Variants in TENM4 observed in about 807,000 individuals in gnomAD.
The protein encoded by TENM4 is teneurin transmembrane protein 4, also known as teneurin-4.
TENM4 carries 82 observed loss-of-function variants against 243.3 expected under a neutral mutation model. The ratio of observed to expected loss-of-function variants is 0.34; its 90% CI spans 0.28 to 0.40. The LOEUF is 0.40. TENM4 is among the 10% of genes least tolerant of loss of function. TENM4 has a pLI of 1.00. For missense variants in TENM4, 3,138 were observed against 3,673.3 expected (o/e 0.85, Z 3.77); for synonymous variants, 1,412 against 1,456.3 (o/e 0.97, Z 0.69).
intron 6 of TENM4, among the ~76,000 whole-genome samples, chr11:78,958,004 G>C (rs1591162170): frequency 6.6e-6 from 1 of 152,306 alleles, no homozygotes; most frequent in African/African-American, 2.4e-5. Flanking sequence ...TGGGGCTCTA[G>C]AGTCAAACAG....
At chr11:79,004,120 C>A (rs56024811) in intron 6 of TENM4, among the ~76,000 whole-genome samples, 72,806 of 152,018 alleles carry the variant, frequency 0.48, 21,041 homozygotes, top group African/African-American at 0.83. Context: ...CATCCAACAC[C>A]GGAGAACTCA....
intron 25 of TENM4, among the ~76,000 whole-genome samples, chr11:78,715,536 G>A (rs1050065545): frequency 2.6e-5 from 4 of 152,126 alleles, no homozygotes. Flanking sequence ...GGTGGCATTG[G>A]CAGGATTATC....
intron 4 of TENM4, among the ~76,000 whole-genome samples, chr11:79,077,217 T>C (rs898562624): frequency 6.6e-5 from 10 of 152,158 alleles, no homozygotes; most frequent in African/African-American, 2.4e-4. Context: ...ACAGATGTGC[T>C]TCTGACTCCT....
In TENM4 at chr11:78,887,890, G is replaced by A. The variant is rs544010201; in HGVS notation, c.1084+1895C>T. Among the ~76,000 whole-genome samples, 12 of 152,352 alleles carry A rather than the reference G, an allele frequency of 7.9e-5. No homozygotes were observed. In the East Asian group the frequency reaches 2.1e-3, roughly 27 times the overall value. On this transcript the variant is annotated intron_variant, in intron 9 of 33. Coordinates refer to ENST00000278550, the MANE Select transcript of TENM4 (RefSeq NM_001098816.3). ...ACTTCAACGCAAAACAAATGGATGT[G>A]TATAGCAGCAAACTACTCAAATTAT... is the stretch of plus-strand genomic sequence containing the variant.
intron 1 of TENM4, among the ~76,000 whole-genome samples, chr11:79,324,280 G>A (rs1487981987): frequency 2.6e-5 from 4 of 152,028 alleles, no homozygotes; most frequent in Non-Finnish European, 5.9e-5. Context: ...GGAGTGCAGT[G>A]GTGAGATCAT....
At chr11:78,757,562 G>A (rs533170526) in intron 18 of TENM4, among the ~76,000 whole-genome samples, 42 of 152,380 alleles carry the variant, frequency 2.8e-4, no homozygotes, top group Non-Finnish European at 5.0e-4. Flanking sequence ...AGCCAGACAG[G>A]AGAAGAGGGC....
chr11:79,066,924 G>T (rs1053703539), intron 5 of TENM4, among the ~76,000 whole-genome samples: 4 of 152,216 alleles, frequency 2.6e-5, no homozygotes, highest in African/African-American at 9.6e-5. Context: ...TACTCAGCTG[G>T]CTCAGGCTGG....
intron 4 of TENM4, among the ~76,000 whole-genome samples, chr11:79,083,057 T>C (rs4944221): frequency 0.58 from 88,613 of 152,064 alleles, 26,044 homozygotes; most frequent in East Asian, 0.73. Context: ...AATCAAGCCT[T>C]GTGCTGCTCC....
At chr11:79,004,029 T>C (rs1378732926) in intron 6 of TENM4, among the ~76,000 whole-genome samples, 1 of 143,442 alleles carries the variant, frequency 7.0e-6, no homozygotes, top group African/African-American at 2.5e-5. Flanking sequence ...CCAACAAAGA[T>C]CAAAAAAGAC....
At chr11:78,823,794 T>TTTTGGCG (rs1205521331) in intron 12 of TENM4, among the ~76,000 whole-genome samples, 2 of 152,210 alleles carry the variant, frequency 1.3e-5, no homozygotes, top group African/African-American at 4.8e-5. Context: ...ATTGCTTGTG[T>TTTTGGCG]TTTGCCCCTT....
intron 4 of TENM4, among the ~76,000 whole-genome samples, chr11:79,107,738 G>A (rs1435493282): frequency 6.6e-6 from 1 of 152,194 alleles, no homozygotes; most frequent in Admixed American, 6.5e-5. Flanking sequence ...TGCCCTTGAT[G>A]CCACACGCAT....
Position 78,699,599 on chromosome 11 carries a change from T to C in TENM4, c.5087+1927A>G, listed in dbSNP as rs149849035. Among the ~76,000 whole-genome samples, 11 of 152,362 alleles carry C rather than the reference T, an allele frequency of 7.2e-5. No individual in the cohort carries two copies. The East Asian group carries it at 9.6e-4, about 13-fold the overall frequency. ...GTTAACAAGGATAACCACTCTTGGG[T>C]ACCGCTATGAAGTGCAGTCTTTGGA... On this transcript the variant is annotated intron_variant, in intron 28 of 33. Coordinates refer to ENST00000278550, the MANE Select transcript of TENM4 (RefSeq NM_001098816.3).
In TENM4 at chr11:78,817,436, G is replaced by A. The variant is rs142889976; in HGVS notation, c.1682-3041C>T. Among the ~76,000 whole-genome samples the A allele has an allele frequency of 4.0e-4, 61 of 152,252 alleles. 1 individual carries two copies. The highest frequency in any genetic ancestry group is 2.6e-4 in the Admixed American group (4 of 15,294). On this transcript the variant is annotated intron_variant, in intron 12 of 33. Coordinates refer to ENST00000278550, the MANE Select transcript of TENM4 (RefSeq NM_001098816.3). Reference sequence around the variant, plus strand: ...AGAACAAGAAGGTCTAATCCAACACGTGGCCTCGTTTCAGGGCAAAATGGT... The same window carrying A: ...AGAACAAGAAGGTCTAATCCAACACATGGCCTCGTTTCAGGGCAAAATGGT...
At chr11:78,990,815 A>G (rs1858024708) in intron 6 of TENM4, among the ~76,000 whole-genome samples, 1 of 152,234 alleles carries the variant, frequency 6.6e-6, no homozygotes, top group South Asian at 2.1e-4. Context: ...ATAAATATTT[A>G]AAATGTTCAT....
intron 2 of TENM4, among the ~76,000 whole-genome samples, chr11:79,261,608 G>A (rs2135325657): frequency 6.6e-6 from 1 of 152,294 alleles, no homozygotes; most frequent in South Asian, 2.1e-4. Flanking sequence ...CCTTCCTTGG[G>A]TCTGGAGGCT....
intron 9 of TENM4, among the ~76,000 whole-genome samples, chr11:78,882,959 A>T (rs959459169): frequency 3.9e-5 from 6 of 152,208 alleles, no homozygotes; most frequent in Non-Finnish European, 8.8e-5. Flanking sequence ...CATTGCTATT[A>T]CACAAATTGG....
chr11:79,390,655 C>T (rs184342426), intron 1 of TENM4, among the ~76,000 whole-genome samples: 8 of 152,268 alleles, frequency 5.3e-5, no homozygotes, highest in Admixed American at 2.0e-4. Flanking sequence ...ACCTAGAGAT[C>T]GGTCTGGCTC....
intron 1 of TENM4, among the ~76,000 whole-genome samples, chr11:79,418,589 C>T (rs1302271376): frequency 6.6e-6 from 1 of 152,204 alleles, no homozygotes; most frequent in Non-Finnish European, 1.5e-5. Flanking sequence ...CATGATTTCT[C>T]ATTTTCCTGT....
intron 13 of TENM4, 127 bp downstream of exon 13, chr11:78,814,167 C>T (rs1857556440): frequency 1.2e-6 from 1 of 827,316 alleles, no homozygotes; most frequent in African/African-American, 1.8e-5. Context: ...TGGAGAATGG[C>T]CCTTGGAAAC....
Sources: gnomAD v4.1 joint callset for allele counts (sites outside exome capture counted in the v4.1 genomes callset) on GRCh38, gnomAD v4.1.1 for gene constraint, MANE v1.5 for transcripts, NCBI Gene and HGNC (gene_info 2026-07-23, HGNC 2026-07-21) for gene names.